Variants in NEK1 observed in about 807,000 individuals in gnomAD.
NEK1 encodes serine/threonine-protein kinase Nek1.
In NEK1, 137 loss-of-function variants were observed where a neutral mutation model predicts 182.1. That is an observed-to-expected ratio of 0.75 (90% CI 0.65 to 0.87). The LOEUF (loss-of-function observed/expected upper bound fraction) is 0.87, where lower values mean the gene tolerates loss of function less well. Ranked by LOEUF, NEK1 falls within the 40% of genes least tolerant of loss-of-function variation. The probability of loss-of-function intolerance (pLI) is 0.00; values close to 1 mark genes in which losing one functional copy is unlikely to be tolerated. For missense variants in NEK1, 1,391 were observed against 1,494.4 expected (o/e 0.93, Z 1.14); for synonymous variants, 513 against 492.2 (o/e 1.04, Z -0.56).
chr4:169,448,320 T>C (rs1018589125), intron 27 of NEK1, among the ~76,000 whole-genome samples: 3 of 152,222 alleles, frequency 2.0e-5, no homozygotes, highest in Non-Finnish European at 4.4e-5. Context: ...TTAGAGTCTT[T>C]ATTAGTTTTT....
intron 9 of NEK1, 25 bp downstream of exon 9, chr4:169,587,534 A>C (rs757249094): frequency 8.3e-6 from 11 of 1,318,572 alleles, no homozygotes. Context: ...ATAACTTTGA[A>C]AGTATTTCAG....
intron 23 of NEK1, among the ~76,000 whole-genome samples, chr4:169,493,230 A>G (rs891673725): frequency 6.6e-6 from 1 of 152,198 alleles, no homozygotes; most frequent in Non-Finnish European, 1.5e-5. Flanking sequence ...CACCCAGAAA[A>G]GAAGCCAATC....
chr4:169,602,686 A>C lies in NEK1; in HGVS notation c.-48-8T>G. On this transcript the variant is annotated splice_region_variant and splice_polypyrimidine_tract_variant and intron_variant, in intron 2 of 35. Transcript: ENST00000507142. ...TGCTAGACATTTAAAAAACTAACAAAAAAGATAAAGCATTTATAACATGAG... is the reference window on the plus strand; with the variant it reads ...TGCTAGACATTTAAAAAACTAACAACAAAGATAAAGCATTTATAACATGAG... 1 of 905,526 alleles carries C rather than the reference A, an allele frequency of 1.1e-6. No individual in the cohort carries two copies. Among genetic ancestry groups the C allele is most frequent in the South Asian group, 1.4e-5 (1 of 69,134 alleles). 56.1% of individuals were successfully genotyped at this position (905,526 alleles called of 1,614,324 possible). A position where few individuals can be genotyped will look rare whatever the true frequency, so the allele number is the denominator to read the frequency against.
chr4:169,570,541 C>G (rs1764613487), intron 12 of NEK1, among the ~76,000 whole-genome samples: 1 of 150,554 alleles, frequency 6.6e-6, no homozygotes, highest in Non-Finnish European at 1.5e-5. Flanking sequence ...GCATACCCGT[C>G]CGGGAGGGAG....
chr4:169,442,569 C>T (rs1006952434), intron 27 of NEK1, among the ~76,000 whole-genome samples: 2 of 152,136 alleles, frequency 1.3e-5, no homozygotes, highest in Non-Finnish European at 1.5e-5. Flanking sequence ...CAAAAGAACA[C>T]GGTAATTCTC....
chr4:169,589,481 G>T lies in NEK1; in HGVS notation c.430C>A (p.Leu144Ile). Residue 144 changes from leucine (L) to isoleucine (I), a missense_variant, in exon 7 of 36, where the codon CTT becomes ATT. By Grantham distance (5) the Leu-to-Ile change is conservative. Around this residue, in one of 5 missense-constraint regions of NEK1, gnomAD observed 116 missense variants for 114.5 expected, o/e 1.01. Transcript: ENST00000507142. Reference protein sequence around the residue: ...IFLTKDGTVQLGDFGIARVLN... With the variant: ...IFLTKDGTVQIGDFGIARVLN... ...ACTCTAGCAATTCCAAAATCTCCAA[G>T]TTGTACTGTTCCATCTTTAGTTAAA... is the stretch of plus-strand genomic sequence containing the variant. 1 of 1,511,826 alleles carries T rather than the reference G, an allele frequency of 6.6e-7. No homozygotes were observed. Among genetic ancestry groups the T allele is most frequent in the Non-Finnish European group, 8.9e-7 (1 of 1,118,126 alleles). 93.7% of individuals were successfully genotyped at this position (1,511,826 alleles called of 1,614,324 possible).
At chr4:169,567,368 G>A (rs375260619) in intron 12 of NEK1, among the ~76,000 whole-genome samples, 27 of 147,940 alleles carry the variant, frequency 1.8e-4, no homozygotes, top group Middle Eastern at 3.2e-3. Context: ...CTTTCACATT[G>A]TTGTTCACAG....
At chr4:169,529,921 C>A (rs566378734) in intron 19 of NEK1, among the ~76,000 whole-genome samples, 1 of 152,150 alleles carries the variant, frequency 6.6e-6, no homozygotes, top group East Asian at 1.9e-4. Context: ...TGCAGAGCAA[C>A]TGGAATTCGA....
intron 23 of NEK1, among the ~76,000 whole-genome samples, chr4:169,490,978 C>T (rs1489567676): frequency 6.6e-6 from 1 of 151,728 alleles, no homozygotes; most frequent in African/African-American, 2.4e-5. Flanking sequence ...CCTGTCTCTA[C>T]TAAAAATACA....
chr4:169,540,464 C>T (rs1759222004), intron 18 of NEK1, among the ~76,000 whole-genome samples: 1 of 152,074 alleles, frequency 6.6e-6, no homozygotes, highest in Non-Finnish European at 1.5e-5. Flanking sequence ...ATGCTTAGTC[C>T]TCTCTAAAGT....
intron 23 of NEK1, among the ~76,000 whole-genome samples, chr4:169,487,032 C>T (rs1368124931): frequency 1.3e-5 from 2 of 152,168 alleles, no homozygotes; most frequent in African/African-American, 4.8e-5. Flanking sequence ...CCCATCATCA[C>T]ATATTGTTCT....
rs553204329 is a variant in NEK1 at position 169,591,144 on chromosome 4, G to GCC, written c.313-337_313-336dup. Among the ~76,000 whole-genome samples the GCC allele has an allele frequency of 1.9e-3, 256 of 134,512 alleles. 5 individuals are homozygous for GCC. Among genetic ancestry groups the GCC allele is most frequent in the African/African-American group, 7.3e-3 (236 of 32,490 alleles). The allele number at this position is 134,512 out of a possible 152,430, so 88.2% of individuals were successfully genotyped here. ...TTTTAATACATCTTTTTTCTATAAC[G>GCC]CCCCCCCCCCACTTCTTTAGGGATA... On this transcript the variant is annotated intron_variant, in intron 5 of 35. Coordinates refer to ENST00000507142, the MANE Select transcript of NEK1 (RefSeq NM_001199397.3).
At position 169,400,506 on chromosome 4, in the gene NEK1, T is replaced by C. The variant is rs1425518827; in HGVS notation, c.3714+15A>G. ...CATAGCACATTTTAAGTGTTTTAATTGACTTTTCACTTACCTTTATTTTCT... is the reference window on the plus strand; with the variant it reads ...CATAGCACATTTTAAGTGTTTTAATCGACTTTTCACTTACCTTTATTTTCT... On this transcript the variant is annotated intron_variant, in intron 34 of 35. Transcript: ENST00000507142. The C allele has an allele frequency of 6.3e-7, 1 of 1,591,846 alleles. No homozygotes were observed. Among genetic ancestry groups the C allele is most frequent in the Non-Finnish European group, 8.5e-7 (1 of 1,170,982 alleles).
intron 27 of NEK1, among the ~76,000 whole-genome samples, chr4:169,444,699 G>C (rs770141812): frequency 6.6e-6 from 1 of 152,142 alleles, no homozygotes; most frequent in African/African-American, 2.4e-5. Context: ...AGATAATCTA[G>C]ACTGAAAATT....
chr4:169,596,413 G>T (rs1373426993), intron 5 of NEK1, among the ~76,000 whole-genome samples: 1 of 152,178 alleles, frequency 6.6e-6, no homozygotes, highest in Non-Finnish European at 1.5e-5. Context: ...ATGGTCACAT[G>T]TGGGGAGACT....
chr4:169,588,566 G>A (rs1325407419), intron 8 of NEK1, 83 bp downstream of exon 8: 1 of 737,516 alleles, frequency 1.4e-6, no homozygotes, highest in East Asian at 2.7e-5. Flanking sequence ...ATTTATTTTA[G>A]AATAGTATTC....
intron 19 of NEK1, among the ~76,000 whole-genome samples, chr4:169,511,451 G>A (rs796164570): frequency 7.8e-4 from 118 of 152,138 alleles, no homozygotes; most frequent in African/African-American, 2.7e-3. Context: ...TTCCTTTCAT[G>A]ATATTTGAGA....
At chr4:169,432,183 C>T (rs1281123692) in intron 29 of NEK1, among the ~76,000 whole-genome samples, 1 of 152,078 alleles carries the variant, frequency 6.6e-6, no homozygotes, top group Non-Finnish European at 1.5e-5. Context: ...GACAAACTAA[C>T]AGCCCAAACA....
chr4:169,480,169 T>C (rs1268165119), intron 23 of NEK1, among the ~76,000 whole-genome samples: 2 of 152,174 alleles, frequency 1.3e-5, no homozygotes, highest in Non-Finnish European at 2.9e-5. Context: ...CTACTCCCTA[T>C]TCCTAGTCTT....
Sources: gnomAD v4.1 joint callset for allele counts (sites outside exome capture counted in the v4.1 genomes callset) on GRCh38, gnomAD v4.1.1 for gene constraint, gnomAD v4.1.1 regional missense constraint, MANE v1.5 for transcripts, NCBI Gene and HGNC (gene_info 2026-07-23, HGNC 2026-07-21) for gene names.